Variants in CAPN2 observed in about 807,000 individuals in gnomAD.
CAPN2 encodes calpain 2, also known as calpain-2 catalytic subunit.
In CAPN2, 92 loss-of-function variants were observed where a neutral mutation model predicts 102.3. That is an observed-to-expected ratio of 0.90 (90% CI 0.76 to 1.07). The LOEUF (loss-of-function observed/expected upper bound fraction) is 1.07, where lower values mean the gene tolerates loss of function less well. Ranked by LOEUF, CAPN2 falls within the 50% of genes least tolerant of loss-of-function variation. CAPN2 has a pLI of 0.00. For missense variants in CAPN2, 800 were observed against 909.4 expected, an observed-to-expected ratio of 0.88 and a Z score of 1.55; for synonymous variants, 340 against 355.4, an observed-to-expected ratio of 0.96 and a Z score of 0.49.
rs1273894308 is a variant in CAPN2, at chr1:223,720,451, G to A, written c.307+2620G>A. 2.6e-5 allele frequency among the ~76,000 whole-genome samples: 4 copies of A among 151,490 alleles called. No homozygotes were observed. The South Asian group carries it at 6.3e-4, about 24-fold the overall frequency. ...CCACCTCAGCCTTCTGAGTACCTGG[G>A]ACTACAGGCACACGCCACCACACCT... On this transcript the variant is annotated intron_variant, in intron 2 of 20. Transcript: ENST00000295006.
At chr1:223,728,862 GC>G (rs28370045) in intron 2 of CAPN2, among the ~76,000 whole-genome samples, 28,229 of 152,170 alleles carry the variant, frequency 0.19, 3,067 homozygotes, top group African/African-American at 0.31. Context: ...GCCCTGACTT[GC>G]ACAAGCCAGC....
chr1:223,736,510 T>C (rs1660459657), intron 2 of CAPN2, among the ~76,000 whole-genome samples: 1 of 152,166 alleles, frequency 6.6e-6, no homozygotes, highest in Non-Finnish European at 1.5e-5. Context: ...AAAATCTCAG[T>C]TCCAACCTAA....
intron 1 of CAPN2, among the ~76,000 whole-genome samples, chr1:223,715,041 A>G (rs1381126444): frequency 6.6e-6 from 1 of 152,206 alleles, no homozygotes; most frequent in East Asian, 1.9e-4. Flanking sequence ...TCAAGTGGAT[A>G]TAGGGCATAG....
At chr1:223,751,021 G>T in intron 7 of CAPN2, 46 bp downstream of exon 7, 1 of 1,429,594 alleles carries the variant, frequency 7.0e-7, no homozygotes, top group Non-Finnish European at 9.7e-7. Context: ...GGTGCATTGT[G>T]CTGGGAGGCT....
chr1:223,742,518 ATTTTTTTT>A (rs199697766), intron 2 of CAPN2, among the ~76,000 whole-genome samples: 16,282 of 114,200 alleles, frequency 0.14, 1,400 homozygotes, highest in African/African-American at 0.25. Context: ...ATATATATAT[ATTTTTTTT>A]TTTTTTTTTG....
intron 14 of CAPN2, 54 bp downstream of exon 14, chr1:223,762,305 C>T (rs771565580): frequency 1.5e-6 from 2 of 1,374,046 alleles, no homozygotes; most frequent in Admixed American, 1.7e-5. Flanking sequence ...AAGGAAGAGA[C>T]AGTGTGTGTC....
At chr1:223,765,325 G>T (rs562289645) in intron 15 of CAPN2, among the ~76,000 whole-genome samples, 1 of 152,280 alleles carries the variant, frequency 6.6e-6, no homozygotes, top group South Asian at 2.1e-4. Context: ...GTCAGGTTAC[G>T]GTCAGTCCAG....
rs1256499920 is a variant in CAPN2 at position 223,731,679 on chromosome 1, G to A, written c.308-12421G>A. ...CAACAAGGAGCCTGAGACTAGATTG[G>A]AGGGGAAAGAGACATGTCCTCCAGA... On this transcript the variant is annotated intron_variant, in intron 2 of 20. Transcript: ENST00000295006. This position sits in a 1 kb window ranked among gnomAD's most constrained non-coding sequence, Gnocchi z 4.2. Among the ~76,000 whole-genome samples the A allele has an allele frequency of 6.6e-6, 1 of 152,242 alleles. No individual in the cohort carries two copies. The highest frequency in any genetic ancestry group is 2.4e-5 in the African/African-American group (1 of 41,458).
In CAPN2 at chr1:223,759,378, A is replaced by C. The variant is rs1661128625; in HGVS notation, c.1426A>C (p.Lys476Gln). 1.9e-6 allele frequency: 3 copies of C among 1,614,212 alleles called. No individual in the cohort carries two copies. The highest frequency in any genetic ancestry group is 2.5e-6 in the Non-Finnish European group (3 of 1,180,044). Residue 476 changes from lysine to glutamine, a missense_variant, in exon 12 of 21, where the codon AAG becomes CAG. Physicochemically the swap from Lys to Gln is moderately conservative, Grantham distance 53 (BLOSUM62 1). Coordinates refer to ENST00000295006, the MANE Select transcript of CAPN2 (RefSeq NM_001748.5). The surrounding 1 kb of genome is among the most constrained non-coding windows in gnomAD (Gnocchi z 4.6). ...INLREVLNRF[K>Q]LPPGEYILVP... ...CCTCCGGGAGGTGCTCAACCGCTTCAAGCTGCCGCCAGGAGAGTACATTCT... is the reference window on the plus strand; with the variant it reads ...CCTCCGGGAGGTGCTCAACCGCTTCCAGCTGCCGCCAGGAGAGTACATTCT...
intron 16 of CAPN2, among the ~76,000 whole-genome samples, chr1:223,769,615 A>G (rs1661420311): frequency 6.6e-6 from 1 of 152,128 alleles, no homozygotes; most frequent in Admixed American, 6.5e-5. Flanking sequence ...GCACCCCTAG[A>G]TCAAAACAGC....
intron 14 of CAPN2, 67 bp from the exon 15 acceptor site, chr1:223,764,083 G>A (rs1661252292): frequency 7.9e-7 from 1 of 1,271,254 alleles, no homozygotes; most frequent in Non-Finnish European, 1.2e-6. Context: ...ATGCACTGGT[G>A]TCCTGCCCTG....
intron 1 of CAPN2, among the ~76,000 whole-genome samples, chr1:223,706,656 G>A (rs1308358733): frequency 6.6e-6 from 1 of 152,170 alleles, no homozygotes; most frequent in Non-Finnish European, 1.5e-5. Flanking sequence ...ATTAAATGAG[G>A]AGATAAGATC....
chr1:223,744,988 T>TG (rs1660716325), intron 3 of CAPN2, among the ~76,000 whole-genome samples: 1 of 150,262 alleles, frequency 6.7e-6, no homozygotes, highest in Non-Finnish European at 1.5e-5. Flanking sequence ...GAGGTTGCAG[T>TG]GAGCCGAGAT....
chr1:223,773,398 A>G (rs1007509706), intron 20 of CAPN2: 1 of 152,274 alleles, frequency 6.6e-6, no homozygotes, highest in Non-Finnish European at 1.5e-5. Context: ...CTCTACTGAA[A>G]ATACAAAAAT....
At chr1:223,766,288 A>G in intron 15 of CAPN2, 79 bp from the exon 16 acceptor site, 1 of 1,050,936 alleles carries the variant, frequency 9.5e-7, no homozygotes, top group Non-Finnish European at 1.5e-6. Flanking sequence ...CAGATAAAGA[A>G]TATCTCCATG....
intron 2 of CAPN2, among the ~76,000 whole-genome samples, chr1:223,719,049 C>T (rs1659959401): frequency 6.6e-6 from 1 of 152,196 alleles, no homozygotes; most frequent in Non-Finnish European, 1.5e-5. Flanking sequence ...TGTCTGAGCT[C>T]AGGCTCTGCA....
At position 223,755,462 on chromosome 1, in the gene CAPN2, G is replaced by C. The variant is rs767869431; in HGVS notation, c.1136-18G>C. 3.1e-6 allele frequency: 5 copies of C among 1,613,432 alleles called. No individual in the cohort carries two copies. The South Asian group carries it at 4.4e-5, about 14-fold the overall frequency. On this transcript the variant is annotated intron_variant, in intron 9 of 20. Coordinates refer to ENST00000295006, the MANE Select transcript of CAPN2 (RefSeq NM_001748.5). This position sits in a 1 kb window ranked among gnomAD's most constrained non-coding sequence, Gnocchi z 4.1. Reference sequence around the variant, plus strand: ...TTCCTGCTCAGGGCTGGGCTCCTCTGCCCCTTTCTGGCTGCAGACACATTC... The same window carrying C: ...TTCCTGCTCAGGGCTGGGCTCCTCTCCCCCTTTCTGGCTGCAGACACATTC...
At position 223,728,790 on chromosome 1, in the gene CAPN2, A is replaced by T. The variant is rs12127707; in HGVS notation, c.307+10959A>T. Among the ~76,000 whole-genome samples, 1,478 of 152,262 alleles carry T rather than the reference A, an allele frequency of 9.7e-3. 9 individuals carry two copies. Among genetic ancestry groups the T allele is most frequent in the Non-Finnish European group, 0.015 (1,036 of 68,022 alleles). On this transcript the variant is annotated intron_variant, in intron 2 of 20. Coordinates refer to ENST00000295006, the MANE Select transcript of CAPN2 (RefSeq NM_001748.5). ...GTGAAGGACTTCACAAGCTGGGCTG[A>T]TGTGCCAGCTTCAGGACTCCACTCA... is the stretch of plus-strand genomic sequence containing the variant.
At chr1:223,707,151 G>A (rs1285327309) in intron 1 of CAPN2, among the ~76,000 whole-genome samples, 1 of 151,740 alleles carries the variant, frequency 6.6e-6, no homozygotes, top group Non-Finnish European at 1.5e-5. Context: ...CAGGGCCAGG[G>A]AGAAAATAAT....
Sources: allele counts gnomAD v4.1 joint callset (sites outside exome capture counted in the v4.1 genomes callset), GRCh38; gene constraint gnomAD v4.1.1; non-coding constraint Gnocchi (gnomAD v3.1); transcripts MANE v1.5; gene names NCBI Gene and HGNC (gene_info 2026-07-23, HGNC 2026-07-21).